LRRFIP2: variants seen among roughly 807,000 people sequenced by gnomAD.
LRRFIP2 encodes the protein leucine-rich repeat flightless-interacting protein 2.
LRRFIP2 carries 109 observed loss-of-function variants against 125.9 expected under a neutral mutation model. The ratio of observed to expected loss-of-function variants is 0.87; its 90% CI spans 0.74 to 1.01. LRRFIP2 has a LOEUF of 1.01. Ranked by LOEUF, LRRFIP2 falls within the 50% of genes least tolerant of loss-of-function variation. The pLI, the probability that LRRFIP2 is intolerant of heterozygous loss-of-function variation, is 0.00. For synonymous variants in LRRFIP2, 291 were observed against 293.1 expected, an observed-to-expected ratio of 0.99 and a Z score of 0.07; for missense variants, 850 against 862.3, an observed-to-expected ratio of 0.99 and a Z score of 0.18.
chr3:37,110,877 G>C, intron 9 of LRRFIP2, 114 bp downstream of exon 9: 1 of 809,328 alleles, frequency 1.2e-6, no homozygotes, highest in Admixed American at 2.6e-5. Flanking sequence ...CCAAAAACTA[G>C]TATATACGTA....
intron 1 of LRRFIP2, among the ~76,000 whole-genome samples, chr3:37,161,201 C>G (rs1056669159): frequency 7.8e-5 from 6 of 76,998 alleles, no homozygotes; most frequent in Admixed American, 7.6e-4. Flanking sequence ...AAAAAAAAAG[C>G]AAAGATTAGC....
At chr3:37,141,389 C>A (rs2095695820) in intron 2 of LRRFIP2, among the ~76,000 whole-genome samples, 1 of 152,226 alleles carries the variant, frequency 6.6e-6, no homozygotes, top group Non-Finnish European at 1.5e-5. Flanking sequence ...TAGCCCCTCT[C>A]CAGCTATACT....
intron 4 of LRRFIP2, among the ~76,000 whole-genome samples, chr3:37,127,115 A>C (rs1319916925): frequency 8.0e-6 from 1 of 124,494 alleles, no homozygotes; most frequent in Non-Finnish European, 1.9e-5. Context: ...TACCAAGCCT[A>C]AAAAAAAGTT....
At chr3:37,095,741 T>C (rs1269652130) in intron 16 of LRRFIP2, among the ~76,000 whole-genome samples, 1 of 152,118 alleles carries the variant, frequency 6.6e-6, no homozygotes, top group Non-Finnish European at 1.5e-5. Context: ...TCAGGCAATT[T>C]TAATGCCTCA....
chr3:37,068,409 C>T (rs570953965), intron 21 of LRRFIP2: 1 of 152,302 alleles, frequency 6.6e-6, no homozygotes, highest in African/African-American at 2.4e-5. Flanking sequence ...CATCGTATTG[C>T]ACTGGGTTTT....
chr3:37,111,008 AG>A lies in LRRFIP2; in HGVS notation c.495del (p.Ser166LeufsTer33), dbSNP rs1439934301. ...AGACAAACCCGAGTGTAGTAGGCAGAGGTGGGTTTGCTATGTCTAAGACTGC... is the reference window on the plus strand; with the variant it reads ...AGACAAACCCGAGTGTAGTAGGCAGAGTGGGTTTGCTATGTCTAAGACTGC... ...NYSSLRHSKP[T>X]SAYYTRQSSS... On this transcript the variant is annotated frameshift_variant, in exon 9 of 28. Coordinates refer to ENST00000336686, the MANE Select transcript of LRRFIP2 (RefSeq NM_006309.4). LOFTEE classifies it high-confidence loss of function. 6.2e-7 allele frequency: 1 copy of A among 1,613,718 alleles called. No individual in the cohort carries two copies. The highest frequency in any genetic ancestry group is 1.3e-5 in the African/African-American group (1 of 74,922).
intron 11 of LRRFIP2, among the ~76,000 whole-genome samples, chr3:37,108,897 T>C (rs541523338): frequency 6.6e-6 from 1 of 152,320 alleles, no homozygotes; most frequent in South Asian, 2.1e-4. Context: ...ACACCCCTGG[T>C]TACAGTATTT....
intron 19 of LRRFIP2, among the ~76,000 whole-genome samples, chr3:37,080,364 C>T (rs2092527944): frequency 6.6e-6 from 1 of 151,706 alleles, no homozygotes; most frequent in Admixed American, 6.6e-5. Flanking sequence ...CCATTGCACT[C>T]CACCCTGGGC....
At chr3:37,170,114 G>A (rs1159167800) in intron 1 of LRRFIP2, among the ~76,000 whole-genome samples, 1 of 152,074 alleles carries the variant, frequency 6.6e-6, no homozygotes, top group Non-Finnish European at 1.5e-5. Flanking sequence ...TCATAAATGT[G>A]AACAGCTGCA....
At chr3:37,082,135 G>A (rs757117443) in intron 19 of LRRFIP2, among the ~76,000 whole-genome samples, 9 of 152,156 alleles carry the variant, frequency 5.9e-5, no homozygotes, top group Non-Finnish European at 1.3e-4. Context: ...GAAGCAAAGA[G>A]CCAAAGACAG....
intron 14 of LRRFIP2, 75 bp from the exon 15 acceptor site, chr3:37,103,088 T>G: frequency 1.1e-5 from 12 of 1,121,240 alleles, no homozygotes; most frequent in African/African-American, 1.6e-5. Flanking sequence ...CATTGGCCAA[T>G]TAGGGAAAAG....
At chr3:37,057,949 G>A (rs972978574) in intron 25 of LRRFIP2, among the ~76,000 whole-genome samples, 1 of 152,108 alleles carries the variant, frequency 6.6e-6, no homozygotes, top group African/African-American at 2.4e-5. Context: ...AAAATGAATA[G>A]AATAGACTTT....
intron 4 of LRRFIP2, among the ~76,000 whole-genome samples, chr3:37,122,334 C>A (rs191363154): frequency 2.6e-5 from 4 of 152,102 alleles, no homozygotes; most frequent in Admixed American, 2.0e-4. Context: ...TAGAAATAAT[C>A]TTGGCAATGT....
At chr3:37,112,093 G>A (rs931446642) in intron 8 of LRRFIP2, among the ~76,000 whole-genome samples, 8 of 152,088 alleles carry the variant, frequency 5.3e-5, no homozygotes, top group African/African-American at 1.4e-4. Flanking sequence ...TTTAGCAGCC[G>A]GGCACTGTGG....
intron 1 of LRRFIP2, among the ~76,000 whole-genome samples, chr3:37,164,485 A>C (rs1177661862): frequency 6.6e-6 from 1 of 152,174 alleles, no homozygotes; most frequent in African/African-American, 2.4e-5. Flanking sequence ...TGGAAGGCTG[A>C]AGTGGGCAGA....
At chr3:37,094,311 C>G (rs1183683742) in intron 17 of LRRFIP2, among the ~76,000 whole-genome samples, 1 of 152,154 alleles carries the variant, frequency 6.6e-6, no homozygotes, top group Admixed American at 6.5e-5. Flanking sequence ...CTTAATGAGT[C>G]AAATAAGCTT....
chr3:37,176,122 C>A (rs971292062), upstream of LRRFIP2: 4 of 152,346 alleles, frequency 2.6e-5, no homozygotes, highest in Non-Finnish European at 5.9e-5. Flanking sequence ...GCTGCTCGCC[C>A]GCCCGGCGCC....
intron 20 of LRRFIP2, among the ~76,000 whole-genome samples, chr3:37,074,066 TTAA>T: frequency 6.6e-6 from 1 of 152,366 alleles, no homozygotes; most frequent in Admixed American, 6.5e-5. Context: ...TCAATTATTC[TTAA>T]TGATGACAAA....
At chr3:37,059,330 A>G (rs2148665266) in intron 24 of LRRFIP2, among the ~76,000 whole-genome samples, 1 of 152,340 alleles carries the variant, frequency 6.6e-6, no homozygotes, top group African/African-American at 2.4e-5. Flanking sequence ...TGGGCAACAC[A>G]GTGAGACCTC....
Sources: allele counts gnomAD v4.1 joint callset (sites outside exome capture counted in the v4.1 genomes callset), GRCh38; gene constraint gnomAD v4.1.1; transcripts MANE v1.5; gene names NCBI Gene and HGNC (gene_info 2026-07-23, HGNC 2026-07-21).